The following PPP3CA variants were observed in gnomAD, a reference collection of about 807,000 sequenced individuals.
The protein encoded by PPP3CA is CAM-PRP catalytic subunit.
In PPP3CA, 14 loss-of-function variants were observed where a neutral mutation model predicts 66.5. The ratio of observed to expected loss-of-function variants is 0.21; its 90% CI spans 0.14 to 0.33. The LOEUF is 0.33. Among genes scored for constraint, PPP3CA ranks in the 10% least tolerant of loss-of-function variants. The pLI is 1.00. For missense variants in PPP3CA, 317 were observed against 639.5 expected, an observed-to-expected ratio of 0.50 and a Z score of 5.44; for synonymous variants, 232 against 226.2, an observed-to-expected ratio of 1.03 and a Z score of -0.23.
At chr4:101,026,153 T>G in intron 13 of PPP3CA, 92 bp from the exon 14 acceptor site, 1 of 1,091,842 alleles carries the variant, frequency 9.2e-7, no homozygotes. Flanking sequence ...TAGAGATTTC[T>G]CAGTGAGAGG....
At chr4:101,258,005 A>G (rs1726900156) in intron 1 of PPP3CA, among the ~76,000 whole-genome samples, 1 of 152,230 alleles carries the variant, frequency 6.6e-6, no homozygotes, top group South Asian at 2.1e-4. Context: ...TGAAATAAGT[A>G]GGTGTCCAAA....
chr4:101,116,792 T>C (rs181369855), intron 2 of PPP3CA, among the ~76,000 whole-genome samples: 77 of 152,006 alleles, frequency 5.1e-4, no homozygotes, highest in Admixed American at 2.2e-3. Context: ...TATTTTCCCA[T>C]AGGGAATATT....
At chr4:101,283,290 T>C (rs974169520) in intron 1 of PPP3CA, among the ~76,000 whole-genome samples, 1 of 152,188 alleles carries the variant, frequency 6.6e-6, no homozygotes, top group Non-Finnish European at 1.5e-5. Flanking sequence ...TGACTTGAAA[T>C]AGCAAAACAT....
At chr4:101,322,537 A>G (rs1338653555) in intron 1 of PPP3CA, among the ~76,000 whole-genome samples, 1 of 151,810 alleles carries the variant, frequency 6.6e-6, no homozygotes, top group East Asian at 1.9e-4. Context: ...CAGCCTCCCA[A>G]GTAGCTGGGA....
chr4:101,260,528 T>C lies in PPP3CA; in HGVS notation c.59-64412A>G, dbSNP rs150393471. On this transcript the variant is annotated intron_variant, in intron 1 of 13. Transcript: ENST00000394854. ...ACCCAAGATCTCTATGGAATGACAA[T>C]AGGTCATCTAAATAAGCCTTTATAT... Among the ~76,000 whole-genome samples, 35 of 152,276 alleles carry C rather than the reference T, an allele frequency of 2.3e-4. 1 individual carries two copies. The East Asian group carries it at 5.0e-3, about 22-fold the overall frequency.
intron 1 of PPP3CA, among the ~76,000 whole-genome samples, chr4:101,196,649 C>G (rs1417734472): frequency 6.6e-6 from 1 of 152,158 alleles, no homozygotes; most frequent in Non-Finnish European, 1.5e-5. Flanking sequence ...CAAAAGTGCA[C>G]TGACTACTGA....
chr4:101,178,019 A>T (rs1411954207), intron 2 of PPP3CA, among the ~76,000 whole-genome samples: 2 of 152,132 alleles, frequency 1.3e-5, no homozygotes, highest in Admixed American at 6.6e-5. Context: ...TTGGTCACTG[A>T]GTTCCTACTA....
chr4:101,050,855 C>G (rs371386827), intron 10 of PPP3CA, among the ~76,000 whole-genome samples: 21 of 152,222 alleles, frequency 1.4e-4, no homozygotes, highest in African/African-American at 5.1e-4. Context: ...AGAAGAAACC[C>G]TTGTGCAGAT....
At chr4:101,273,816 A>T (rs550292596) in intron 1 of PPP3CA, among the ~76,000 whole-genome samples, 1 of 152,330 alleles carries the variant, frequency 6.6e-6, no homozygotes, top group Admixed American at 6.5e-5. Context: ...TCCTCTACAG[A>T]AGTAAAATAA....
intron 2 of PPP3CA, among the ~76,000 whole-genome samples, chr4:101,148,506 A>G (rs916069767): frequency 6.6e-6 from 1 of 152,148 alleles, no homozygotes; most frequent in Non-Finnish European, 1.5e-5. Flanking sequence ...TATTTTTTAT[A>G]CTTACAAATA....
chr4:101,278,140 T>TAAAAAAAAAAAAAAAAAAAAA (rs1394423187), intron 1 of PPP3CA, among the ~76,000 whole-genome samples: 1 of 118,736 alleles, frequency 8.4e-6, no homozygotes, highest in Non-Finnish European at 1.8e-5. Context: ...AAAAAAAAAA[T>TAAAAAAAAAAAAAAAAAAAAA]AAAAAAATTA....
At chr4:101,285,392 A>C (rs555625617) in intron 1 of PPP3CA, among the ~76,000 whole-genome samples, 36 of 151,498 alleles carry the variant, frequency 2.4e-4, no homozygotes, top group Admixed American at 2.0e-3. Context: ...TAATATCACT[A>C]ATCTGTAAAT....
At chr4:101,101,057 T>C (rs543225351) in intron 3 of PPP3CA, among the ~76,000 whole-genome samples, 1 of 152,300 alleles carries the variant, frequency 6.6e-6, no homozygotes, top group Non-Finnish European at 1.5e-5. Flanking sequence ...TAGGTAATTA[T>C]GATTGAAATA....
chr4:101,192,822 T>G (rs1438319321), intron 2 of PPP3CA, among the ~76,000 whole-genome samples: 1 of 152,246 alleles, frequency 6.6e-6, no homozygotes, highest in African/African-American at 2.4e-5. Flanking sequence ...TTTATGTGTC[T>G]GACTCCCTTA....
chr4:101,222,510 T>A (rs1277794485), intron 1 of PPP3CA, among the ~76,000 whole-genome samples: 1 of 151,696 alleles, frequency 6.6e-6, no homozygotes, highest in Non-Finnish European at 1.5e-5. Context: ...ATTCTGTGTG[T>A]TTAAGTGTAC....
intron 2 of PPP3CA, among the ~76,000 whole-genome samples, chr4:101,175,151 GGAA>G (rs1401426648): frequency 1.3e-5 from 2 of 152,114 alleles, no homozygotes; most frequent in Admixed American, 6.5e-5. Context: ...AAGAATTTTT[GGAA>G]GAAGAAGCTG....
At chr4:101,262,096 A>AT (rs1249384453) in intron 1 of PPP3CA, among the ~76,000 whole-genome samples, 3 of 152,120 alleles carry the variant, frequency 2.0e-5, no homozygotes, top group Non-Finnish European at 4.4e-5. Flanking sequence ...ACAAAGACCG[A>AT]TTTTTACCTC....
intron 3 of PPP3CA, among the ~76,000 whole-genome samples, chr4:101,107,882 T>C (rs1721488964): frequency 6.6e-6 from 1 of 152,244 alleles, no homozygotes; most frequent in Non-Finnish European, 1.5e-5. Flanking sequence ...ATAATCATTT[T>C]CCTTTTTAAT....
At chr4:101,091,867 A>ATAAT (rs1560597226) in intron 6 of PPP3CA, among the ~76,000 whole-genome samples, 5 of 127,482 alleles carry the variant, frequency 3.9e-5, no homozygotes, top group African/African-American at 1.4e-4. Context: ...ATAATAATGA[A>ATAAT]GAAGAGGAGG....
Sources: gnomAD v4.1 joint callset for allele counts (sites outside exome capture counted in the v4.1 genomes callset) on GRCh38, gnomAD v4.1.1 for gene constraint, MANE v1.5 for transcripts, NCBI Gene and HGNC (gene_info 2026-07-23, HGNC 2026-07-21) for gene names.